The following PTPRM variants were observed in gnomAD, a reference collection of about 807,000 sequenced individuals.
PTPRM encodes the protein protein tyrosine phosphatase receptor type M, also known as receptor-type tyrosine-protein phosphatase mu.
PTPRM carries 47 observed loss-of-function variants against 186.7 expected under a neutral mutation model. That is an observed-to-expected ratio of 0.25 (90% CI 0.20 to 0.32). The LOEUF (loss-of-function observed/expected upper bound fraction) is 0.32. PTPRM is among the 10% of genes least tolerant of loss of function. The pLI is 1.00. For synonymous variants in PTPRM, 668 were observed against 674.9 expected (o/e 0.99, Z 0.16); for missense variants, 1,494 against 1,865.0 (o/e 0.80, Z 3.66).
At chr18:7,626,942 C>T (rs902960298) in intron 1 of PTPRM, among the ~76,000 whole-genome samples, 3 of 152,076 alleles carry the variant, frequency 2.0e-5, no homozygotes, top group South Asian at 2.1e-4. Context: ...GACACAATTC[C>T]GTGGTTTATC....
At chr18:7,582,700 G>C (rs1031026923) in intron 1 of PTPRM, among the ~76,000 whole-genome samples, 2 of 152,188 alleles carry the variant, frequency 1.3e-5, no homozygotes, top group African/African-American at 4.8e-5. Context: ...TTTAGGGTTG[G>C]AAGAACTGCG....
intron 2 of PTPRM, among the ~76,000 whole-genome samples, chr18:7,867,434 T>C (rs1277116705): frequency 3.3e-5 from 5 of 152,210 alleles, no homozygotes; most frequent in East Asian, 3.8e-4. Flanking sequence ...CTGTAATGTA[T>C]TTTATTTCTC....
intron 19 of PTPRM, among the ~76,000 whole-genome samples, chr18:8,285,401 C>T (rs2094945501): frequency 6.6e-6 from 1 of 152,138 alleles, no homozygotes; most frequent in Non-Finnish European, 1.5e-5. Flanking sequence ...ATTCAGTTTT[C>T]CCCAAGTGTG....
At chr18:7,644,070 A>G (rs9946909) in intron 1 of PTPRM, among the ~76,000 whole-genome samples, 7,386 of 152,170 alleles carry the variant, frequency 0.049, 608 homozygotes, top group African/African-American at 0.17. Flanking sequence ...AAATAAGAGT[A>G]TTTTTCTCTT....
At chr18:8,405,970 C>T (rs1282779421) in intron 32 of PTPRM, 139 bp from the exon 33 acceptor site, 3 of 785,360 alleles carry the variant, frequency 3.8e-6, no homozygotes, top group Non-Finnish European at 4.5e-6. Context: ...AGTTCAGAAC[C>T]GTGACTTTCT....
intron 1 of PTPRM, among the ~76,000 whole-genome samples, chr18:7,665,772 A>G (rs1376690951): frequency 6.6e-6 from 1 of 152,038 alleles, no homozygotes; most frequent in East Asian, 1.9e-4. Context: ...AAATACAAAA[A>G]TTAGCTGGGT....
At chr18:8,114,953 A>G (rs929129325) in intron 13 of PTPRM, 126 bp downstream of exon 13, 6 of 674,528 alleles carry the variant, frequency 8.9e-6, no homozygotes, top group Admixed American at 6.5e-5. Context: ...ATATACATAT[A>G]TATATATGCA....
At chr18:7,977,741 C>T (rs963881515) in intron 7 of PTPRM, among the ~76,000 whole-genome samples, 3 of 148,514 alleles carry the variant, frequency 2.0e-5, no homozygotes, top group Non-Finnish European at 4.5e-5. Context: ...GGGGAAACAA[C>T]AAGAACACAA....
intron 1 of PTPRM, among the ~76,000 whole-genome samples, chr18:7,760,057 G>C (rs2041694450): frequency 6.6e-6 from 1 of 152,120 alleles, no homozygotes; most frequent in Non-Finnish European, 1.5e-5. Flanking sequence ...TTTCACAATA[G>C]ATAGGGAGTC....
chr18:8,176,107 T>A (rs1245340718), intron 14 of PTPRM, among the ~76,000 whole-genome samples: 1 of 152,086 alleles, frequency 6.6e-6, no homozygotes, highest in African/African-American at 2.4e-5. Context: ...ATTGGGAAAT[T>A]TAAAAATTTA....
intron 2 of PTPRM, among the ~76,000 whole-genome samples, chr18:7,848,196 C>G (rs908893467): frequency 6.6e-6 from 1 of 152,154 alleles, no homozygotes; most frequent in Non-Finnish European, 1.5e-5. Flanking sequence ...GCCTAATAGT[C>G]TGCTGGACTG....
chr18:7,688,173 T>G (rs60242970), intron 1 of PTPRM, among the ~76,000 whole-genome samples: 5,195 of 152,226 alleles, frequency 0.034, 265 homozygotes, highest in African/African-American at 0.12. Context: ...ACGTATCTGC[T>G]AGTGTAAGCT....
intron 1 of PTPRM, among the ~76,000 whole-genome samples, chr18:7,726,785 G>C (rs2040558812): frequency 6.6e-6 from 1 of 152,162 alleles, no homozygotes; most frequent in Non-Finnish European, 1.5e-5. Flanking sequence ...CTTTGAACTT[G>C]ATACTGCTTT....
chr18:8,237,461 T>A (rs2094359311), intron 14 of PTPRM, among the ~76,000 whole-genome samples: 1 of 85,966 alleles, frequency 1.2e-5, no homozygotes, highest in Admixed American at 1.0e-4. Context: ...TTTTTTTTTT[T>A]TCCTGAGACA....
Position 8,076,502 on chromosome 18 carries a change from G to A in PTPRM, c.1489G>A (p.Glu497Lys). The A allele has an allele frequency of 1.9e-6, 3 of 1,610,420 alleles. No individual in the cohort carries two copies. The highest frequency in any genetic ancestry group is 2.5e-6 in the Non-Finnish European group (3 of 1,177,504). Reference sequence around the variant, plus strand: ...ATCCATACAAGGAAGTACCTTTGAAGAGAAGATATTTCTTCAGTGGAGAGA... The same window carrying A: ...ATCCATACAAGGAAGTACCTTTGAAAAGAAGATATTTCTTCAGTGGAGAGA... ...TESIQGSTFEEKIFLQWREPT... is the reference protein window; with the variant it reads ...TESIQGSTFEKKIFLQWREPT... The change falls in exon 9 of 33, where the codon GAG becomes AAG. Residue 497 changes from glutamate (E) to lysine (K), a missense_variant. Physicochemically the swap from Glu to Lys is moderately conservative, Grantham distance 56. This residue lies in a region of PTPRM where 1,107 missense variants were observed against 1,350.2 expected (regional missense o/e 0.82). Transcript: ENST00000580170.
chr18:7,740,128 C>T (rs902855565), intron 1 of PTPRM, among the ~76,000 whole-genome samples: 1 of 152,190 alleles, frequency 6.6e-6, no homozygotes, highest in African/African-American at 2.4e-5. Context: ...GGAAGTTCTG[C>T]TGAACTGGGC....
chr18:7,729,675 A>T (rs764809880), intron 1 of PTPRM, among the ~76,000 whole-genome samples: 3 of 152,186 alleles, frequency 2.0e-5, no homozygotes, highest in Non-Finnish European at 4.4e-5. Context: ...TTCTGGAGCC[A>T]CTGGTAGGTA....
intron 1 of PTPRM, among the ~76,000 whole-genome samples, chr18:7,749,874 G>A (rs2041129763): frequency 6.6e-6 from 1 of 152,224 alleles, no homozygotes; most frequent in African/African-American, 2.4e-5. Flanking sequence ...GGCCAGACCT[G>A]TCTTCGCTTT....
intron 2 of PTPRM, among the ~76,000 whole-genome samples, chr18:7,871,365 G>A (rs951365389): frequency 4.6e-5 from 7 of 152,184 alleles, no homozygotes; most frequent in Non-Finnish European, 1.0e-4. Flanking sequence ...CCCTGATGAT[G>A]ATCCTAAACT....
Sources: allele counts gnomAD v4.1 joint callset (sites outside exome capture counted in the v4.1 genomes callset), GRCh38; gene constraint gnomAD v4.1.1; regional missense constraint gnomAD v4.1.1; transcripts MANE v1.5; gene names NCBI Gene and HGNC (gene_info 2026-07-23, HGNC 2026-07-21).